ADAMTS12: variants seen among roughly 807,000 people sequenced by gnomAD.
ADAMTS12 encodes ADAM metallopeptidase with thrombospondin type 1 motif 12, also known as A disintegrin and metalloproteinase with thrombospondin motifs 12.
A neutral mutation model predicts 167.8 loss-of-function variants in ADAMTS12; 118 were observed. The observed-to-expected ratio is 0.70, with a 90% confidence interval of 0.61 to 0.82. ADAMTS12 has a LOEUF of 0.82. Among genes scored for constraint, ADAMTS12 ranks in the 40% least tolerant of loss-of-function variants. The pLI is 0.00. For missense variants in ADAMTS12, 1,916 were observed against 1,998.8 expected, an observed-to-expected ratio of 0.96 and a Z score of 0.79; for synonymous variants, 704 against 716.9, an observed-to-expected ratio of 0.98 and a Z score of 0.29.
intron 19 of ADAMTS12, among the ~76,000 whole-genome samples, chr5:33,565,032 C>T (rs4146150): frequency 0.52 from 78,428 of 151,934 alleles, 20,629 homozygotes; most frequent in Non-Finnish European, 0.56. Context: ...TGACTCATTA[C>T]GGAGAGAGGC....
chr5:33,610,743 C>T (rs559578986), intron 16 of ADAMTS12, among the ~76,000 whole-genome samples: 81 of 152,208 alleles, frequency 5.3e-4, no homozygotes, highest in Non-Finnish European at 4.4e-4. Flanking sequence ...GATATATTCA[C>T]GGAACGGAAT....
intron 2 of ADAMTS12, among the ~76,000 whole-genome samples, chr5:33,775,106 T>G (rs1745870213): frequency 6.6e-6 from 1 of 152,144 alleles, no homozygotes; most frequent in Admixed American, 6.6e-5. Flanking sequence ...TGACAGTGTT[T>G]GGGAACCACT....
chr5:33,664,736 G>T (rs1579813466), intron 5 of ADAMTS12, among the ~76,000 whole-genome samples: 2 of 152,176 alleles, frequency 1.3e-5, no homozygotes, highest in South Asian at 4.1e-4. Context: ...AAAACAGCAT[G>T]GAGGTTTCTC....
At chr5:33,639,028 T>C (rs1740326322) in intron 11 of ADAMTS12, among the ~76,000 whole-genome samples, 1 of 152,162 alleles carries the variant, frequency 6.6e-6, no homozygotes, top group South Asian at 2.1e-4. Context: ...AGTTCGAATT[T>C]GGTATTATCT....
At chr5:33,697,572 T>A (rs1742828730) in intron 3 of ADAMTS12, among the ~76,000 whole-genome samples, 1 of 51,186 alleles carries the variant, frequency 2.0e-5, no homozygotes, top group Non-Finnish European at 4.3e-5. Context: ...TTTTCCCTTT[T>A]TCTCCTTTTC....
At chr5:33,755,568 A>G (rs1345821412) in intron 2 of ADAMTS12, among the ~76,000 whole-genome samples, 2 of 152,208 alleles carry the variant, frequency 1.3e-5, no homozygotes, top group Non-Finnish European at 2.9e-5. Context: ...AGGGAAACTG[A>G]CAGCATCTTA....
chr5:33,849,706 TGC>T (rs1749143640), intron 2 of ADAMTS12, among the ~76,000 whole-genome samples: 1 of 145,424 alleles, frequency 6.9e-6, no homozygotes, highest in Admixed American at 6.9e-5. Flanking sequence ...ATATATGTAT[TGC>T]ATAGCAATAT....
At chr5:33,671,464 ACAACTG>A (rs1420839372) in intron 5 of ADAMTS12, among the ~76,000 whole-genome samples, 5 of 152,212 alleles carry the variant, frequency 3.3e-5, no homozygotes, top group African/African-American at 1.2e-4. Context: ...ACTATTTCTT[ACAACTG>A]CATGTGAATG....
chr5:33,684,504 T>C (rs2112264348), intron 3 of ADAMTS12, among the ~76,000 whole-genome samples: 1 of 152,328 alleles, frequency 6.6e-6, no homozygotes, highest in Non-Finnish European at 1.5e-5. Context: ...GTTAAATAAC[T>C]TACCCAGAGT....
Position 33,608,111 on chromosome 5 carries a change from CCA to C in ADAMTS12, c.2527+6125_2527+6126del, listed in dbSNP as rs35654609. Among the ~76,000 whole-genome samples the C allele has an allele frequency of 1.9e-3, 284 of 152,312 alleles. 3 individuals carry two copies. In the East Asian group the frequency reaches 0.021, roughly 11 times the overall value. On this transcript the variant is annotated intron_variant, in intron 16 of 23. Transcript: ENST00000504830. Reference sequence around the variant, plus strand: ...GGGGCATGGAAGCTCTATCACCTTTCCACACACTTTGCCCTATGCATCTCTTC... The same window carrying C: ...GGGGCATGGAAGCTCTATCACCTTTCCACACTTTGCCCTATGCATCTCTTC...
chr5:33,755,387 T>C (rs900457506), intron 2 of ADAMTS12, among the ~76,000 whole-genome samples: 1 of 152,220 alleles, frequency 6.6e-6, no homozygotes, highest in Admixed American at 6.5e-5. Flanking sequence ...TGACCTCCAC[T>C]GCTCTTTGAT....
At chr5:33,624,110 A>G (rs1224108484) in intron 14 of ADAMTS12, 121 bp downstream of exon 14, 16 of 1,451,106 alleles carry the variant, frequency 1.1e-5, no homozygotes, top group Non-Finnish European at 1.5e-5. Context: ...TTCCATTTTG[A>G]ATACTTTGAA....
rs2112244225 is a variant in ADAMTS12, at chr5:33,674,776, T to A, written c.915+8242A>T. On this transcript the variant is annotated intron_variant, in intron 5 of 23. Coordinates refer to ENST00000504830, the MANE Select transcript of ADAMTS12 (RefSeq NM_030955.4). The stretch of plus-strand genomic sequence containing the variant: ...GGATTTTCATGTCTTCTGCCAGCAT[T>A]TCATTCATAAAAGCATGGCAGACTA... Among the ~76,000 whole-genome samples the A allele has an allele frequency of 1.3e-5, 2 of 152,276 alleles. 1 individual carries two copies. Among genetic ancestry groups the A allele is most frequent in the South Asian group, 4.2e-4 (2 of 4,816 alleles).
intron 18 of ADAMTS12, among the ~76,000 whole-genome samples, chr5:33,578,598 A>C (rs1746881432): frequency 6.6e-6 from 1 of 152,178 alleles, no homozygotes; most frequent in South Asian, 2.1e-4. Flanking sequence ...CCTGGAAAAA[A>C]AAATCAGGAA....
At chr5:33,539,019 G>A (rs1454279038) in intron 22 of ADAMTS12, among the ~76,000 whole-genome samples, 1 of 152,108 alleles carries the variant, frequency 6.6e-6, no homozygotes, top group African/African-American at 2.4e-5. Context: ...TCGGCTCACT[G>A]CAACCTCCAC....
intron 7 of ADAMTS12, among the ~76,000 whole-genome samples, chr5:33,654,874 T>TTCTG (rs148735809): frequency 7.1e-6 from 1 of 141,568 alleles, no homozygotes; most frequent in African/African-American, 2.7e-5. Flanking sequence ...GTGGGTGATT[T>TTCTG]TGTGTGTGTG....
At chr5:33,630,686 T>C (rs967573566) in intron 13 of ADAMTS12, 94 bp downstream of exon 13, 2 of 1,372,296 alleles carry the variant, frequency 1.5e-6, no homozygotes, top group African/African-American at 2.9e-5. Flanking sequence ...GAGGTGTAAA[T>C]GCTGTGAAAG....
intron 5 of ADAMTS12, among the ~76,000 whole-genome samples, chr5:33,673,309 C>T (rs10070578): frequency 0.95 from 145,054 of 152,226 alleles, 69,505 homozygotes; most frequent in Non-Finnish European, 1. Context: ...CAAATCTCTC[C>T]GAGTTCAAAT....
At chr5:33,757,684 TC>T (rs1745216192) in intron 2 of ADAMTS12, among the ~76,000 whole-genome samples, 1 of 152,140 alleles carries the variant, frequency 6.6e-6, no homozygotes, top group Non-Finnish European at 1.5e-5. Context: ...GAATATAGGA[TC>T]AAAAACGTAT....
Sources: allele counts gnomAD v4.1 joint callset (sites outside exome capture counted in the v4.1 genomes callset), GRCh38; gene constraint gnomAD v4.1.1; transcripts MANE v1.5; gene names NCBI Gene and HGNC (gene_info 2026-07-23, HGNC 2026-07-21).